Variants in ASB15 observed in about 807,000 individuals in gnomAD.
ASB15 encodes ankyrin repeat and SOCS box containing 15, also known as ankyrin repeat and SOCS box protein 15.
In ASB15, 54 loss-of-function variants were observed where a neutral mutation model predicts 58.0. The observed-to-expected ratio is 0.93, with a 90% CI of 0.75 to 1.17. The LOEUF is 1.17. Among genes scored for constraint, ASB15 ranks in the 50% most tolerant of loss-of-function variants. The probability of loss-of-function intolerance (pLI) is 0.00; values close to 1 mark genes in which losing one functional copy is unlikely to be tolerated. For synonymous variants in ASB15, 249 were observed against 262.4 expected, an observed-to-expected ratio of 0.95 and a Z score of 0.50; for missense variants, 680 against 707.4, an observed-to-expected ratio of 0.96 and a Z score of 0.44.
chr7:123,624,940 T>C (rs762020619), intron 8 of ASB15, 126 bp downstream of exon 8: 5 of 1,243,824 alleles, frequency 4.0e-6, no homozygotes, highest in Middle Eastern at 2.8e-4. Context: ...TGAATGGAAC[T>C]TGGCATCAGG....
chr7:123,600,371 C>T (rs751866533), upstream of ASB15, among the ~76,000 whole-genome samples: 13 of 152,076 alleles, frequency 8.5e-5, no homozygotes, highest in Non-Finnish European at 1.9e-4. Flanking sequence ...ATAAAACAGG[C>T]ATACCATCAT....
intron 11 of ASB15, among the ~76,000 whole-genome samples, chr7:123,632,168 A>G (rs1802156020): frequency 6.6e-6 from 1 of 152,154 alleles, no homozygotes; most frequent in Non-Finnish European, 1.5e-5. Flanking sequence ...CAAACCTTCT[A>G]TTTCAAAAAT....
At chr7:123,614,220 C>A in intron 3 of ASB15, 2 of 304,428 alleles carry the variant, frequency 6.6e-6, no homozygotes, top group Non-Finnish European at 1.2e-5. Flanking sequence ...TTCTTATAAG[C>A]CCAACTGCAG....
intron 3 of ASB15, chr7:123,609,128 C>G (rs1398462508): frequency 6.6e-6 from 1 of 152,150 alleles, no homozygotes; most frequent in South Asian, 2.1e-4. Flanking sequence ...GAATCAGTGT[C>G]CCCCATTCCA....
chr7:123,631,867 A>G (rs1179667372), intron 11 of ASB15, among the ~76,000 whole-genome samples: 1 of 152,146 alleles, frequency 6.6e-6, no homozygotes, highest in Non-Finnish European at 1.5e-5. Context: ...TCACGAGGTC[A>G]GGAGATCGAG....
chr7:123,625,456 T>C (rs1801711175), intron 8 of ASB15, among the ~76,000 whole-genome samples: 2 of 152,192 alleles, frequency 1.3e-5, no homozygotes, highest in Non-Finnish European at 2.9e-5. Context: ...TCATCTCAAA[T>C]TGTTTTACCA....
chr7:123,612,859 C>T lies in ASB15; in HGVS notation c.-2-1642C>T, dbSNP rs1800547308. Among the ~76,000 whole-genome samples the T allele has an allele frequency of 2.6e-5, 4 of 152,194 alleles. No homozygotes were observed. The South Asian group carries it at 8.3e-4, about 32-fold the overall frequency. ...CTTCTCTTGGCACTGAGATCACAGA[C>T]TAATTCCCTGCTTTTACTGAGTTAC... On this transcript the variant is annotated intron_variant, in intron 3 of 11. Coordinates refer to ENST00000451215, the MANE Select transcript of ASB15 (RefSeq NM_001290258.2).
chr7:123,611,694 G>A (rs7797819), intron 3 of ASB15, among the ~76,000 whole-genome samples: 22,048 of 152,120 alleles, frequency 0.14, 1,665 homozygotes, highest in South Asian at 0.19. Flanking sequence ...AAATTTATGT[G>A]AGGTTTAGAT....
intron 9 of ASB15, 83 bp downstream of exon 9, chr7:123,627,364 A>T: frequency 9.0e-7 from 1 of 1,112,204 alleles, no homozygotes; most frequent in Non-Finnish European, 1.2e-6. Flanking sequence ...TATATGTAAT[A>T]CCTTTCAAAA....
intron 11 of ASB15, among the ~76,000 whole-genome samples, chr7:123,634,109 T>C (rs1339725490): frequency 2.0e-5 from 3 of 152,188 alleles, no homozygotes; most frequent in Non-Finnish European, 2.9e-5. Flanking sequence ...GGTAAACATT[T>C]ATCATGGTGG....
intron 3 of ASB15, among the ~76,000 whole-genome samples, chr7:123,610,115 C>G (rs6466874): frequency 2.6e-5 from 4 of 151,984 alleles, no homozygotes; most frequent in African/African-American, 9.7e-5. Flanking sequence ...TCATCAAATG[C>G]TGGCTGTTAA....
At position 123,632,073 on chromosome 7, in the gene ASB15, A is replaced by G. The variant is rs780912093; in HGVS notation, c.1594+1954A>G. Among the ~76,000 whole-genome samples, 44 of 151,984 alleles carry G rather than the reference A, an allele frequency of 2.9e-4. 1 individual carries two copies. The highest frequency in any genetic ancestry group is 4.2e-4 in the South Asian group (2 of 4,818). On this transcript the variant is annotated intron_variant, in intron 11 of 11. Transcript: ENST00000451215. ...AGCCTGGGCGACAGAGCGAGACTCC[A>G]TCTCAAAAATAATAATAATAATAAT...
At chr7:123,628,507 C>A (rs1365951444) in intron 9 of ASB15, among the ~76,000 whole-genome samples, 2 of 152,280 alleles carry the variant, frequency 1.3e-5, no homozygotes, top group Non-Finnish European at 2.9e-5. Flanking sequence ...ATTAGAAAGG[C>A]TTACTTTTCT....
chr7:123,616,360 T>C lies in ASB15; in HGVS notation c.161-4T>C. On this transcript the variant is annotated splice_region_variant and splice_polypyrimidine_tract_variant and intron_variant, in intron 5 of 11. Coordinates refer to ENST00000451215, the MANE Select transcript of ASB15 (RefSeq NM_001290258.2). ...TTAGTCATCAGTCCATGTGTTTAAT[T>C]TAGGTCACATTCCTGAGCTCCAGGA... 1.9e-6 allele frequency: 3 copies of C among 1,610,212 alleles called. No individual in the cohort carries two copies. The highest frequency in any genetic ancestry group is 2.5e-6 in the Non-Finnish European group (3 of 1,176,900).
rs939223278 is a variant in ASB15, at chr7:123,607,495, T to C, written c.-63-1099T>C. Among the ~76,000 whole-genome samples the C allele has an allele frequency of 5.9e-5, 9 of 152,206 alleles. No homozygotes were observed. In the East Asian group the frequency reaches 1.7e-3, roughly 29 times the overall value. ...ATTATTTCTTTTATTTATTTACTTA[T>C]TTAGTTTTTGAGACAGAGTCTTGTT... On this transcript the variant is annotated intron_variant, in intron 2 of 11. Transcript: ENST00000451215.
In ASB15 at chr7:123,581,186, C is replaced by T. The variant is rs550176201; in HGVS notation, c.-443+14098C>T. On this transcript the variant is annotated intron_variant, in intron 1 of 13. Transcript: ENST00000451558. ...CTGAGAGCATGAATGTTGCTCAGGG[C>T]ATGAACACCGTTCAGAGGACATGAT... 5.8e-4 allele frequency among the ~76,000 whole-genome samples: 88 copies of T among 151,990 alleles called. No individual in the cohort carries two copies. The South Asian group carries it at 0.018, about 31-fold the overall frequency.
At chr7:123,623,406 G>GT (rs1470819734) in intron 7 of ASB15, among the ~76,000 whole-genome samples, 2 of 152,200 alleles carry the variant, frequency 1.3e-5, no homozygotes, top group Non-Finnish European at 2.9e-5. Flanking sequence ...GGAAAACCTT[G>GT]TAACAGTATA....
In ASB15 at chr7:123,614,715, C is replaced by T. The variant is rs1800687163; in HGVS notation, c.107+106C>T. ...TAATTCCTCCTCTAGGAAAATTGAC[C>T]TTTCCTTTCTGATAGGGAATCTAAC... is the stretch of plus-strand genomic sequence containing the variant. On this transcript the variant is annotated intron_variant, in intron 4 of 11. Coordinates refer to ENST00000451215, the MANE Select transcript of ASB15 (RefSeq NM_001290258.2). 3.9e-6 allele frequency: 3 copies of T among 779,042 alleles called. No homozygotes were observed. In the East Asian group the frequency reaches 7.7e-5, roughly 20 times the overall value. 48.3% of individuals were successfully genotyped at this position (779,042 alleles called of 1,614,324 possible).
At chr7:123,568,101 G>C (rs1007794753) in intron 1 of ASB15, among the ~76,000 whole-genome samples, 4 of 152,174 alleles carry the variant, frequency 2.6e-5, no homozygotes, top group Non-Finnish European at 4.4e-5. Flanking sequence ...TTTTATCTTA[G>C]TGGCTATCTG....
Sources: gnomAD v4.1 joint callset for allele counts (sites outside exome capture counted in the v4.1 genomes callset) on GRCh38, gnomAD v4.1.1 for gene constraint, MANE v1.5 for transcripts, NCBI Gene and HGNC (gene_info 2026-07-23, HGNC 2026-07-21) for gene names.